The following PRCP variants were observed in gnomAD, a reference collection of about 807,000 sequenced individuals.
The protein encoded by PRCP is lysosomal Pro-X carboxypeptidase.
In PRCP, 46 loss-of-function variants were observed where a neutral mutation model predicts 54.2. That is an observed-to-expected ratio of 0.85 (90% confidence interval 0.67 to 1.09). The LOEUF (loss-of-function observed/expected upper bound fraction) is 1.09, where lower values mean the gene tolerates loss of function less well. Ranked by LOEUF, PRCP falls within the 50% of genes least tolerant of loss-of-function variation. The pLI, the probability that PRCP is intolerant of heterozygous loss-of-function variation, is 0.00. For synonymous variants in PRCP, 240 were observed against 212.2 expected, an observed-to-expected ratio of 1.13 and a Z score of -1.14; for missense variants, 613 against 596.8, an observed-to-expected ratio of 1.03 and a Z score of -0.28.
intron 1 of PRCP, among the ~76,000 whole-genome samples, chr11:82,885,859 T>C (rs1298585180): frequency 6.6e-6 from 1 of 152,236 alleles, no homozygotes; most frequent in Non-Finnish European, 1.5e-5. Flanking sequence ...AATTTGCTCA[T>C]GGACTGAGCA....
chr11:82,878,916 G>A (rs80125863), intron 1 of PRCP, among the ~76,000 whole-genome samples: 1 of 152,204 alleles, frequency 6.6e-6, no homozygotes, highest in Non-Finnish European at 1.5e-5. Flanking sequence ...TTAGTCTGAT[G>A]GGCCTCCCTT....
chr11:82,830,297 T>A (rs529031442), intron 8 of PRCP: 1 of 151,980 alleles, frequency 6.6e-6, no homozygotes, highest in South Asian at 2.1e-4. Flanking sequence ...AACATTTAGG[T>A]ACATTAAGTA....
intron 1 of PRCP, among the ~76,000 whole-genome samples, chr11:82,863,821 T>A (rs1349778785): frequency 6.6e-6 from 1 of 152,152 alleles, no homozygotes; most frequent in Admixed American, 6.5e-5. Context: ...CCCAAGGTAC[T>A]CCTGCTCCCA....
chr11:82,867,825 C>T (rs1325945684), intron 1 of PRCP, among the ~76,000 whole-genome samples: 1 of 152,048 alleles, frequency 6.6e-6, no homozygotes, highest in African/African-American at 2.4e-5. Context: ...TGGGCTCAGG[C>T]GATCCTCCTT....
chr11:82,838,548 A>C lies in PRCP; in HGVS notation c.1113T>G (p.Phe371Leu). ...YQACTEVVMP[F>L]CTNGVDDMFE... ...ACATGTCATCGACACCATTAGTACA[A>C]AAGGGCATGACTACTTCTGTGCAGG... Residue 371 changes from phenylalanine to leucine, a missense_variant, in exon 8 of 9, where the codon TTT (phenylalanine) becomes TTG (leucine). By Grantham distance (22) the Phe-to-Leu change is conservative. Transcript: ENST00000313010. 6.2e-7 allele frequency: 1 copy of C among 1,613,900 alleles called. No individual in the cohort carries two copies.
intron 8 of PRCP, among the ~76,000 whole-genome samples, chr11:82,835,273 C>CT (rs541007587): frequency 3.8e-4 from 58 of 152,104 alleles, no homozygotes; most frequent in Non-Finnish European, 7.2e-4. Context: ...AATAAGAGGC[C>CT]TTTTTTTGCA....
intron 1 of PRCP, among the ~76,000 whole-genome samples, chr11:82,889,203 A>T (rs2121265604): frequency 6.6e-6 from 1 of 151,910 alleles, no homozygotes; most frequent in African/African-American, 2.4e-5. Flanking sequence ...CTTTTTTTTA[A>T]AAAAAATATC....
chr11:82,885,927 T>C (rs1005787727), intron 1 of PRCP, among the ~76,000 whole-genome samples: 4 of 152,160 alleles, frequency 2.6e-5, no homozygotes, highest in Non-Finnish European at 5.9e-5. Context: ...TCACCAAAGA[T>C]GTATCTTCCT....
intron 1 of PRCP, among the ~76,000 whole-genome samples, chr11:82,871,049 T>C (rs898472432): frequency 6.6e-6 from 1 of 152,054 alleles, no homozygotes; most frequent in Non-Finnish European, 1.5e-5. Flanking sequence ...TCAATAATAA[T>C]CTCATAAAAA....
chr11:82,884,708 A>C, intron 1 of PRCP: 1 of 1,447,088 alleles, frequency 6.9e-7, no homozygotes, highest in Non-Finnish European at 9.5e-7. Context: ...AAAAGAAGAG[A>C]ATTTGCAGAC....
chr11:82,896,258 C>A (rs1860118664), intron 1 of PRCP, among the ~76,000 whole-genome samples: 3 of 152,086 alleles, frequency 2.0e-5, no homozygotes. Context: ...GGCCATGGTG[C>A]CCGGCTATTT....
chr11:82,868,787 C>T (rs1007335762), intron 1 of PRCP, among the ~76,000 whole-genome samples: 4 of 152,140 alleles, frequency 2.6e-5, no homozygotes, highest in South Asian at 4.1e-4. Flanking sequence ...TTAATCCCAG[C>T]GCTTTGGGAG....
rs747593305 is a variant in PRCP, at chr11:82,850,323, C to A, written c.593+1G>T. On this transcript the variant is annotated splice_donor_variant, in intron 4 of 8. Transcript: ENST00000313010. LOFTEE classifies it high-confidence loss of function. ...TTCATGTCCAGTACAAATGCACTTA[C>A]CCAACTACCATATGAGGATATTTCA... 3.3e-6 allele frequency: 5 copies of A among 1,524,772 alleles called. No individual in the cohort carries two copies. The highest frequency in any genetic ancestry group is 2.1e-5 in the Admixed American group (1 of 48,010). 94.5% of individuals were successfully genotyped at this position (1,524,772 alleles called of 1,614,324 possible).
chr11:82,884,992 T>C, intron 1 of PRCP: 2 of 1,445,878 alleles, frequency 1.4e-6, no homozygotes, highest in Admixed American at 2.7e-5. Flanking sequence ...AATATTGTCA[T>C]GTGAAAGAAA....
chr11:82,877,733 G>C (rs538201548), intron 1 of PRCP, among the ~76,000 whole-genome samples: 27 of 152,360 alleles, frequency 1.8e-4, no homozygotes, highest in Non-Finnish European at 2.4e-4. Context: ...TTTGCTGCAG[G>C]GGTGGAGCCC....
intron 8 of PRCP, chr11:82,825,417 T>C: frequency 3.1e-6 from 1 of 323,342 alleles, no homozygotes; most frequent in Non-Finnish European, 5.8e-6. Flanking sequence ...TCAATCCTGA[T>C]TTCATTATTC....
At chr11:82,901,575 C>G (rs1393670663), upstream of PRCP, 2 of 152,480 alleles carry the variant, frequency 1.3e-5, no homozygotes, top group Admixed American at 1.3e-4. Context: ...ATCCACCTGT[C>G]GGGGAGAAAG....
At chr11:82,860,614 AT>A (rs1210399945) in intron 1 of PRCP, among the ~76,000 whole-genome samples, 1 of 152,050 alleles carries the variant, frequency 6.6e-6, no homozygotes, top group Non-Finnish European at 1.5e-5. Flanking sequence ...TCCCTTAGCA[AT>A]TTTTAAGTAT....
intron 2 of PRCP, chr11:82,858,873 T>C (rs558606216): frequency 1.3e-5 from 2 of 152,338 alleles, no homozygotes; most frequent in African/African-American, 4.8e-5. Flanking sequence ...AGGATCTCAT[T>C]TCTCTGGGAA....
Sources: gnomAD v4.1 joint callset for allele counts (sites outside exome capture counted in the v4.1 genomes callset) on GRCh38, gnomAD v4.1.1 for gene constraint, MANE v1.5 for transcripts, NCBI Gene and HGNC (gene_info 2026-07-23, HGNC 2026-07-21) for gene names.